The following SLC38A6 variants were observed in gnomAD, a reference collection of about 807,000 sequenced individuals.
SLC38A6 encodes the protein solute carrier family 38 member 6.
In SLC38A6, 73 loss-of-function variants were observed where a neutral mutation model predicts 65.0. The observed-to-expected ratio is 1.12, with a 90% CI of 0.93 to 1.37. The LOEUF (loss-of-function observed/expected upper bound fraction) is 1.37, where lower values mean the gene tolerates loss of function less well. SLC38A6 is among the 40% of genes most tolerant of loss of function. SLC38A6 has a pLI of 0.00. For synonymous variants in SLC38A6, 183 were observed against 178.8 expected, an observed-to-expected ratio of 1.02 and a Z score of -0.19; for missense variants, 561 against 531.1, an observed-to-expected ratio of 1.06 and a Z score of -0.55.
chr14:61,051,785 A>G lies in SLC38A6; in HGVS notation c.1051-2A>G. The G allele has an allele frequency of 6.2e-7, 1 of 1,610,980 alleles. No individual in the cohort carries two copies. The highest frequency in any genetic ancestry group is 1.1e-5 in the South Asian group (1 of 90,624). Reference sequence around the variant, plus strand: ...CTATATGTTTATTTTTCTGTAATACAGGCCAGAAAAGCTGTAACAATGATG... The same window carrying G: ...CTATATGTTTATTTTTCTGTAATACGGGCCAGAAAAGCTGTAACAATGATG... On this transcript the variant is annotated splice_acceptor_variant, in intron 13 of 15. Coordinates refer to ENST00000267488, the MANE Select transcript of SLC38A6 (RefSeq NM_153811.3). LOFTEE classifies it high-confidence loss of function.
chr14:61,004,290 G>A (rs370502863), intron 3 of SLC38A6: 21 of 152,098 alleles, frequency 1.4e-4, no homozygotes, highest in East Asian at 9.7e-4. Flanking sequence ...GACATACTCC[G>A]GTTAGCCTTT....
At chr14:61,028,120 A>C (rs1566672764) in intron 5 of SLC38A6, among the ~76,000 whole-genome samples, 1 of 152,110 alleles carries the variant, frequency 6.6e-6, no homozygotes, top group Non-Finnish European at 1.5e-5. Flanking sequence ...CCAGGGGCTA[A>C]TAGAAATTCT....
chr14:61,067,753 A>G (rs1054795810), intron 15 of SLC38A6, among the ~76,000 whole-genome samples: 8 of 152,280 alleles, frequency 5.3e-5, no homozygotes, highest in African/African-American at 1.7e-4. Context: ...ACACATATAC[A>G]TACATACATA....
intron 10 of SLC38A6, among the ~76,000 whole-genome samples, chr14:61,043,720 G>A (rs1177934056): frequency 1.7e-5 from 2 of 118,896 alleles, no homozygotes; most frequent in African/African-American, 6.3e-5. Context: ...TTTTTTTCCT[G>A]GTATGCCTTT....
At chr14:61,077,046 C>T (rs571439868) in intron 15 of SLC38A6, among the ~76,000 whole-genome samples, 3 of 152,254 alleles carry the variant, frequency 2.0e-5, no homozygotes, top group Non-Finnish European at 4.4e-5. Flanking sequence ...AACTTTAGAA[C>T]GTCAAAATGA....
chr14:61,045,942 C>A (rs1007015169), intron 11 of SLC38A6, 125 bp from the exon 12 acceptor site: 20 of 574,440 alleles, frequency 3.5e-5, no homozygotes, highest in Non-Finnish European at 6.0e-5. Flanking sequence ...ATGAGGACTT[C>A]TAGTGTATAG....
intron 3 of SLC38A6, among the ~76,000 whole-genome samples, chr14:61,012,393 G>T (rs1207680072): frequency 6.6e-6 from 1 of 151,940 alleles, no homozygotes; most frequent in African/African-American, 2.4e-5. Context: ...CTTCAGTTCT[G>T]CTCTGATCTT....
At chr14:61,053,168 G>T (rs2042592045), downstream of SLC38A6, among the ~76,000 whole-genome samples, 1 of 152,012 alleles carries the variant, frequency 6.6e-6, no homozygotes, top group Non-Finnish European at 1.5e-5. Flanking sequence ...AAGGATAAAA[G>T]CCTCCACCTC....
At chr14:61,081,152 C>G (rs1395564511) in intron 16 of SLC38A6, among the ~76,000 whole-genome samples, 1 of 152,220 alleles carries the variant, frequency 6.6e-6, no homozygotes, top group East Asian at 1.9e-4. Flanking sequence ...TGGCAAGTAG[C>G]AAATCATAGG....
intron 3 of SLC38A6, among the ~76,000 whole-genome samples, chr14:61,012,275 T>C (rs2039636554): frequency 6.6e-6 from 1 of 152,156 alleles, no homozygotes; most frequent in Non-Finnish European, 1.5e-5. Context: ...CTTCTCTCTT[T>C]TCTTCTGTAT....
intron 3 of SLC38A6, among the ~76,000 whole-genome samples, chr14:61,014,850 C>T (rs2039872886): frequency 6.6e-6 from 1 of 152,188 alleles, no homozygotes; most frequent in Non-Finnish European, 1.5e-5. Flanking sequence ...CTTGAGGAGG[C>T]ATTCTGTCCC....
chr14:60,992,201 G>A (rs1266027483), intron 3 of SLC38A6, among the ~76,000 whole-genome samples: 2 of 152,100 alleles, frequency 1.3e-5, no homozygotes, highest in African/African-American at 4.8e-5. Context: ...CCATGCTGCC[G>A]AAACATATCA....
intron 3 of SLC38A6, among the ~76,000 whole-genome samples, chr14:61,002,627 G>A (rs904389728): frequency 2.6e-5 from 4 of 152,110 alleles, no homozygotes. Flanking sequence ...GTTTCTAAAC[G>A]ATTCCTGTGG....
intron 5 of SLC38A6, among the ~76,000 whole-genome samples, chr14:61,023,741 A>C (rs2040468479): frequency 6.6e-6 from 1 of 151,970 alleles, no homozygotes. Context: ...TCCTGTGGTG[A>C]ATCCATGAAA....
chr14:60,993,333 G>A (rs1291888852), intron 3 of SLC38A6, among the ~76,000 whole-genome samples: 2 of 152,122 alleles, frequency 1.3e-5, no homozygotes, highest in East Asian at 1.9e-4. Flanking sequence ...GCTAATATTC[G>A]ATTTAGGCAA....
chr14:61,023,762 T>C (rs2040469895), intron 5 of SLC38A6, among the ~76,000 whole-genome samples: 1 of 151,958 alleles, frequency 6.6e-6, no homozygotes, highest in Non-Finnish European at 1.5e-5. Context: ...AAAATTGAAA[T>C]GGAAGGCCTT....
downstream of SLC38A6, among the ~76,000 whole-genome samples, chr14:61,055,088 T>TA (rs994030907): frequency 5.4e-4 from 80 of 147,382 alleles, no homozygotes; most frequent in East Asian, 5.1e-3. Flanking sequence ...TGAATTTTTT[T>TA]TTTTTTTAAG....
intron 5 of SLC38A6, among the ~76,000 whole-genome samples, chr14:61,025,000 T>C (rs1413177006): frequency 6.6e-6 from 1 of 152,208 alleles, no homozygotes; most frequent in Non-Finnish European, 1.5e-5. Context: ...AATTTAATCA[T>C]TACTACGTTT....
chr14:61,058,020 T>C (rs1352313896), intron 15 of SLC38A6, among the ~76,000 whole-genome samples: 4 of 139,360 alleles, frequency 2.9e-5, no homozygotes, highest in African/African-American at 1.1e-4. Flanking sequence ...TTTTTTTCTT[T>C]ATTAGTCTTG....
Sources: allele counts gnomAD v4.1 joint callset (sites outside exome capture counted in the v4.1 genomes callset), GRCh38; gene constraint gnomAD v4.1.1; transcripts MANE v1.5; gene names NCBI Gene and HGNC (gene_info 2026-07-23, HGNC 2026-07-21).